Variants in CCSER1 observed in about 807,000 individuals in gnomAD.
The protein encoded by CCSER1 is serine-rich coiled-coil domain-containing protein 1.
A neutral mutation model predicts 82.0 loss-of-function variants in CCSER1; 41 were observed. The observed-to-expected ratio is 0.50, with a 90% CI of 0.39 to 0.65. The LOEUF is 0.65. Among genes scored for constraint, CCSER1 ranks in the 30% least tolerant of loss-of-function variants. The pLI is 0.00. For synonymous variants in CCSER1, 414 were observed against 383.9 expected, an observed-to-expected ratio of 1.08 and a Z score of -0.92; for missense variants, 1,119 against 1,064.2, an observed-to-expected ratio of 1.05 and a Z score of -0.72.
At chr4:91,103,745 A>T (rs1288085951) in intron 10 of CCSER1, among the ~76,000 whole-genome samples, 2 of 152,200 alleles carry the variant, frequency 1.3e-5, no homozygotes, top group East Asian at 3.9e-4. Flanking sequence ...AATTGATTGT[A>T]AAACGTGTGT....
intron 9 of CCSER1, among the ~76,000 whole-genome samples, chr4:91,046,686 TTTTTTGTTG>T (rs1460704781): frequency 4.0e-5 from 6 of 151,852 alleles, no homozygotes. Context: ...GGATAATATG[TTTTTTGTTG>T]TTGTTGTTGT....
chr4:91,086,038 G>A, intron 10 of CCSER1, 44 bp downstream of exon 10: 1 of 1,196,354 alleles, frequency 8.4e-7, no homozygotes, highest in Non-Finnish European at 1.2e-6. Context: ...GAGGAAACAT[G>A]GCTATGGTGT....
At chr4:90,950,759 T>C (rs1325726295) in intron 9 of CCSER1, among the ~76,000 whole-genome samples, 1 of 152,104 alleles carries the variant, frequency 6.6e-6, no homozygotes, top group Admixed American at 6.6e-5. Context: ...AGGGTATTCT[T>C]GAAAACAATA....
chr4:90,308,411 A>G lies in CCSER1; in HGVS notation c.127A>G (p.Ser43Gly). The G allele has an allele frequency of 6.2e-7, 1 of 1,613,820 alleles. No individual in the cohort carries two copies. Among genetic ancestry groups the G allele is most frequent in the Non-Finnish European group, 8.5e-7 (1 of 1,179,820 alleles). Residue 43 changes from serine (S) to glycine (G), a missense_variant, in exon 2 of 11, where the codon AGT (serine) becomes GGT (glycine). Coordinates refer to ENST00000509176, the MANE Select transcript of CCSER1 (RefSeq NM_001145065.2). ...TTCCAGTAATACAGTTGGTGTCCAC[A>G]GTTCCTCTCCTTCCAGCACTAACTC... ...PSSSNTVGVH[S>G]SSPSSTNSSS...
chr4:91,579,064 G>A (rs569707331), intron 10 of CCSER1, among the ~76,000 whole-genome samples: 217 of 151,520 alleles, frequency 1.4e-3, no homozygotes, highest in African/African-American at 5.0e-3. Flanking sequence ...TCCTTGCATC[G>A]TCCTTTATTT....
At chr4:91,439,576 A>C (rs1444901351) in intron 10 of CCSER1, among the ~76,000 whole-genome samples, 1 of 152,098 alleles carries the variant, frequency 6.6e-6, no homozygotes, top group African/African-American at 2.4e-5. Flanking sequence ...GCATCAACTA[A>C]CAAGCAAAAT....
At position 90,751,744 on chromosome 4, in the gene CCSER1, A is replaced by G. The variant is rs184359797; in HGVS notation, c.2010+27753A>G. 4.8e-3 allele frequency among the ~76,000 whole-genome samples: 727 copies of G among 152,108 alleles called. 4 individuals are homozygous for G. The highest frequency in any genetic ancestry group is 0.016 in the African/African-American group (684 of 41,524). On this transcript the variant is annotated intron_variant, in intron 7 of 10. Transcript: ENST00000509176. Reference sequence around the variant, plus strand: ...AAGTTTATTCTTTTATTATCATAGAATTCATTTTAAGCTATGTGTTCCTTT... The same window carrying G: ...AAGTTTATTCTTTTATTATCATAGAGTTCATTTTAAGCTATGTGTTCCTTT...
chr4:91,231,896 A>G (rs994097595), intron 10 of CCSER1, among the ~76,000 whole-genome samples: 10 of 151,800 alleles, frequency 6.6e-5, no homozygotes, highest in African/African-American at 2.2e-4. Flanking sequence ...ATCCAAATCA[A>G]TATTCACAAA....
chr4:91,378,688 A>G (rs1448820359), intron 10 of CCSER1, among the ~76,000 whole-genome samples: 1 of 152,172 alleles, frequency 6.6e-6, no homozygotes, highest in Admixed American at 6.6e-5. Context: ...CAATCTTGTC[A>G]TCTGCAAAGA....
Position 90,269,429 on chromosome 4 carries a change from G to A in CCSER1, c.-41-38815G>A, listed in dbSNP as rs1339129706. ...TGGAACTTAAATAGTTTGTTTCTGA[G>A]TGACTAGTGGGTCAATGAAGAGATT... On this transcript the variant is annotated intron_variant, in intron 1 of 10. Coordinates refer to ENST00000509176, the MANE Select transcript of CCSER1 (RefSeq NM_001145065.2). 2.0e-5 allele frequency among the ~76,000 whole-genome samples: 3 copies of A among 152,168 alleles called. No individual in the cohort carries two copies. In the East Asian group the frequency reaches 5.8e-4, roughly 29 times the overall value.
At chr4:91,094,724 G>A (rs180790112) in intron 10 of CCSER1, among the ~76,000 whole-genome samples, 13 of 152,182 alleles carry the variant, frequency 8.5e-5, no homozygotes, top group South Asian at 8.3e-4. Flanking sequence ...ATTGTCCTCC[G>A]CCCATACTCA....
At chr4:91,167,221 C>T (rs547461531) in intron 10 of CCSER1, among the ~76,000 whole-genome samples, 3 of 141,532 alleles carry the variant, frequency 2.1e-5, no homozygotes, top group East Asian at 2.0e-4. Context: ...GCTTCTCACG[C>T]TGTCACACAG....
intron 6 of CCSER1, among the ~76,000 whole-genome samples, chr4:90,710,924 A>G (rs548965337): frequency 6.6e-5 from 10 of 152,234 alleles, no homozygotes; most frequent in East Asian, 3.9e-4. Flanking sequence ...TTTGGGAAGT[A>G]TGGTCATTCA....
intron 5 of CCSER1, among the ~76,000 whole-genome samples, chr4:90,505,194 C>A (rs564363238): frequency 1.3e-5 from 2 of 152,206 alleles, no homozygotes; most frequent in South Asian, 2.1e-4. Flanking sequence ...TAGAAATGAA[C>A]GAGAAAAGGT....
chr4:90,832,725 C>T (rs1034072822), intron 8 of CCSER1, among the ~76,000 whole-genome samples: 2 of 152,134 alleles, frequency 1.3e-5, no homozygotes, highest in Non-Finnish European at 2.9e-5. Context: ...CTGACAAGGC[C>T]AGTCTTTGTC....
chr4:90,727,273 C>T (rs565659224), intron 7 of CCSER1: 1 of 455,896 alleles, frequency 2.2e-6, no homozygotes, highest in Admixed American at 2.4e-5. Context: ...TATAGAAGAG[C>T]CAAAGGATAA....
intron 10 of CCSER1, among the ~76,000 whole-genome samples, chr4:91,181,038 AG>A (rs1176031996): frequency 6.6e-6 from 1 of 152,338 alleles, no homozygotes; most frequent in Admixed American, 6.5e-5. Context: ...CCGCCCTGGG[AG>A]GGCCAGATGT....
intron 8 of CCSER1, among the ~76,000 whole-genome samples, chr4:90,899,908 CT>C (rs1342456151): frequency 1.3e-5 from 2 of 151,828 alleles, no homozygotes; most frequent in Non-Finnish European, 2.9e-5. Flanking sequence ...TTATAGTTTT[CT>C]TTTTCTGTTG....
At chr4:91,544,848 C>T (rs1043725045) in intron 10 of CCSER1, among the ~76,000 whole-genome samples, 1 of 152,138 alleles carries the variant, frequency 6.6e-6, no homozygotes, top group African/African-American at 2.4e-5. Flanking sequence ...CAGACAGGGA[C>T]ATTTAAGTCT....
Sources: gnomAD v4.1 joint callset for allele counts (sites outside exome capture counted in the v4.1 genomes callset) on GRCh38, gnomAD v4.1.1 for gene constraint, MANE v1.5 for transcripts, NCBI Gene and HGNC (gene_info 2026-07-23, HGNC 2026-07-21) for gene names.